The following TMBIM6 variants were observed in gnomAD, a reference collection of about 807,000 sequenced individuals.
TMBIM6 encodes the protein transmembrane BAX inhibitor motif containing 6, also known as bax inhibitor 1.
TMBIM6 carries 13 observed loss-of-function variants against 31.4 expected under a neutral mutation model. The ratio of observed to expected loss-of-function variants is 0.41; its 90% CI spans 0.27 to 0.66. TMBIM6 has a LOEUF of 0.66. TMBIM6 is among the 30% of genes least tolerant of loss of function. The pLI, the probability that TMBIM6 is intolerant of heterozygous loss-of-function variation, is 0.28. For missense variants in TMBIM6, 275 were observed against 289.5 expected (o/e 0.95, Z 0.36); for synonymous variants, 85 against 101.7 (o/e 0.84, Z 0.99).
chr12:49,758,136 G>T, intron 4 of TMBIM6, 91 bp from the exon 5 acceptor site: 2 of 1,383,426 alleles, frequency 1.4e-6, no homozygotes, highest in South Asian at 1.2e-5. Flanking sequence ...TTAAGAGCAT[G>T]AGTATGCCTA....
chr12:49,759,547 A>G (rs1592732418), intron 8 of TMBIM6, among the ~76,000 whole-genome samples: 1 of 152,210 alleles, frequency 6.6e-6, no homozygotes. Flanking sequence ...GCTCACACCT[A>G]TAATCCTAGC....
At chr12:49,759,376 C>T in intron 8 of TMBIM6, 55 bp downstream of exon 8, 1 of 1,484,418 alleles carries the variant, frequency 6.7e-7, no homozygotes, top group Admixed American at 1.7e-5. Context: ...TACCGTTCAG[C>T]AGCTGAACTT....
intron 7 of TMBIM6, 126 bp from the exon 8 acceptor site, chr12:49,759,095 G>A: frequency 1.2e-6 from 1 of 807,046 alleles, no homozygotes; most frequent in Non-Finnish European, 2.1e-6. Flanking sequence ...CAGTTCTCGT[G>A]AATGGTAATG....
At position 49,752,489 on chromosome 12, in the gene TMBIM6, G is replaced by A; in HGVS notation, c.-5G>A. The A allele has an allele frequency of 6.2e-7, 1 of 1,613,348 alleles. No homozygotes were observed. The highest frequency in any genetic ancestry group is 8.5e-7 in the Non-Finnish European group (1 of 1,179,910). On this transcript the variant is annotated 5_prime_UTR_variant, in exon 2 of 10. Coordinates refer to ENST00000267115, the MANE Select transcript of TMBIM6 (RefSeq NM_003217.3). ...AGTGGAGACTGCTGCACGGACTCTG[G>A]AACCATGAACATATTTGATCGAAAG...
intron 1 of TMBIM6, chr12:49,742,572 C>T (rs1431674231): frequency 3.6e-6 from 1 of 277,738 alleles, no homozygotes; most frequent in African/African-American, 2.2e-5. Flanking sequence ...GAAGGGCTGA[C>T]TGTGCTTGAA....
intron 1 of TMBIM6, among the ~76,000 whole-genome samples, chr12:49,745,912 C>G (rs1265831820): frequency 6.6e-6 from 1 of 152,050 alleles, no homozygotes; most frequent in Non-Finnish European, 1.5e-5. Flanking sequence ...TAGGCTTAAG[C>G]TATAATGTTT....
intron 7 of TMBIM6, 31 bp from the exon 8 acceptor site, chr12:49,759,190 G>C: frequency 6.3e-7 from 1 of 1,581,430 alleles, no homozygotes; most frequent in Non-Finnish European, 8.7e-7. Context: ...AACTTCTGCT[G>C]TATAGTAACT....
chr12:49,749,435 A>ATTTTTTTT (rs372622355), intron 1 of TMBIM6, among the ~76,000 whole-genome samples: 2,255 of 136,132 alleles, frequency 0.017, 41 homozygotes, highest in East Asian at 0.044. Context: ...TTTGTAAGTC[A>ATTTTTTTT]TTTTTGTTTT....
At chr12:49,760,218 T>TTA (rs1237713714) in intron 8 of TMBIM6, among the ~76,000 whole-genome samples, 1 of 151,948 alleles carries the variant, frequency 6.6e-6, no homozygotes, top group African/African-American at 2.4e-5. Context: ...CTTTTCCTAT[T>TTA]TATACTTCTG....
At chr12:49,742,797 C>G (rs1244508937) in intron 1 of TMBIM6, among the ~76,000 whole-genome samples, 1 of 151,976 alleles carries the variant, frequency 6.6e-6, no homozygotes, top group Non-Finnish European at 1.5e-5. Flanking sequence ...TTTTCTTATT[C>G]TTTGTGTCTA....
chr12:49,756,546 C>T (rs1397774702), intron 4 of TMBIM6, among the ~76,000 whole-genome samples: 2 of 149,004 alleles, frequency 1.3e-5, no homozygotes, highest in Non-Finnish European at 1.5e-5. Context: ...CAGGTTCAAG[C>T]GATTCCCCTT....
rs1383484146 is a variant in TMBIM6 at position 49,763,102 on chromosome 12, TCCC to T, written c.*208_*210del. On this transcript the variant is annotated 3_prime_UTR_variant, in exon 10 of 10. Coordinates refer to ENST00000267115, the MANE Select transcript of TMBIM6 (RefSeq NM_003217.3). ...GAGTTTGGCTTCATCTTCCTGGGGT[TCCC>T]CTCACTCCCTTTTTTGTCAACCCCA... 1 of 478,734 alleles carries T rather than the reference TCCC, an allele frequency of 2.1e-6. No individual in the cohort carries two copies. Among genetic ancestry groups the T allele is most frequent in the East Asian group, 3.1e-5 (1 of 32,000 alleles). 29.7% of individuals were successfully genotyped at this position (478,734 alleles called of 1,614,324 possible).
At chr12:49,744,385 C>T (rs973769224) in intron 1 of TMBIM6, 1 of 152,048 alleles carries the variant, frequency 6.6e-6, no homozygotes, top group Non-Finnish European at 1.5e-5. Context: ...GTAGAAATGT[C>T]TTCTACCACT....
chr12:49,758,499 A>G lies in TMBIM6; in HGVS notation c.433+19A>G. The G allele has an allele frequency of 3.7e-6, 6 of 1,612,738 alleles. No individual in the cohort carries two copies. The highest frequency in any genetic ancestry group is 5.1e-6 in the Non-Finnish European group (6 of 1,178,774). ...CTGGGAGGTAAGTGTGAACTGGGAAACAGGGAATGGGGGCTCCTTTTTAGC... is the reference window on the plus strand; with the variant it reads ...CTGGGAGGTAAGTGTGAACTGGGAAGCAGGGAATGGGGGCTCCTTTTTAGC... On this transcript the variant is annotated intron_variant, in intron 6 of 9. Transcript: ENST00000267115.
intron 1 of TMBIM6, among the ~76,000 whole-genome samples, chr12:49,743,243 TG>T (rs994169646): frequency 1.4e-5 from 2 of 146,992 alleles, no homozygotes; most frequent in East Asian, 1.9e-4. Flanking sequence ...ATTATTATTA[TG>T]TTTTTTTTTT....
At chr12:49,758,818 CTTT>C (rs57007895) in intron 7 of TMBIM6, 56 bp downstream of exon 7, 3,656 of 1,148,906 alleles carry the variant, frequency 3.2e-3, no homozygotes, top group Non-Finnish European at 3.6e-3. Context: ...TCTTTCTTTC[CTTT>C]TTTTTTTTTT....
rs577651089 is a variant in TMBIM6, at chr12:49,746,119, G to A, written c.-31+4508G>A. On this transcript the variant is annotated intron_variant, in intron 1 of 9. Transcript: ENST00000267115. ...CTTTTTTGAGACAGAGTCTCACTCTGTCGCCCAGGCTGGAGTGCAGTGGTG... is the reference window on the plus strand; with the variant it reads ...CTTTTTTGAGACAGAGTCTCACTCTATCGCCCAGGCTGGAGTGCAGTGGTG... Among the ~76,000 whole-genome samples, 225 of 145,610 alleles carry A rather than the reference G, an allele frequency of 1.5e-3. 1 individual carries two copies. Among genetic ancestry groups the A allele is most frequent in the African/African-American group, 5.5e-3 (215 of 38,978 alleles).
intron 1 of TMBIM6, chr12:49,741,853 T>G: frequency 5.6e-5 from 23 of 413,654 alleles, no homozygotes; most frequent in East Asian, 1.1e-4. Flanking sequence ...CTGCGGGGGT[T>G]TTGGGGGGTG....
chr12:49,756,562 G>A (rs951421469), intron 4 of TMBIM6, among the ~76,000 whole-genome samples: 1 of 147,980 alleles, frequency 6.8e-6, no homozygotes, highest in Non-Finnish European at 1.5e-5. Flanking sequence ...CCCTTCCTCA[G>A]CCTCCCAAGT....
Sources: allele counts gnomAD v4.1 joint callset (sites outside exome capture counted in the v4.1 genomes callset), GRCh38; gene constraint gnomAD v4.1.1; transcripts MANE v1.5; gene names NCBI Gene and HGNC (gene_info 2026-07-23, HGNC 2026-07-21).